GLDC: variants seen among roughly 807,000 people sequenced by gnomAD.
GLDC encodes the protein glycine decarboxylase, also known as glycine dehydrogenase (decarboxylating), mitochondrial.
A neutral mutation model predicts 121.3 loss-of-function variants in GLDC; 104 were observed. The observed-to-expected ratio is 0.86, with a 90% confidence interval of 0.73 to 1.01. The LOEUF (loss-of-function observed/expected upper bound fraction) is 1.01. Among genes scored for constraint, GLDC ranks in the 50% least tolerant of loss-of-function variants. The pLI is 0.00. For missense variants in GLDC, 1,429 were observed against 1,306.6 expected (o/e 1.09, Z -1.44); for synonymous variants, 546 against 480.6 (o/e 1.14, Z -1.78).
At chr9:6,611,695 T>G (rs1163365854) in intron 3 of GLDC, among the ~76,000 whole-genome samples, 6 of 152,214 alleles carry the variant, frequency 3.9e-5, no homozygotes, top group Non-Finnish European at 7.3e-5. Context: ...ACTGCTTGTT[T>G]TTTCTGTTGT....
At chr9:6,591,691 T>A (rs889830983) in intron 11 of GLDC, among the ~76,000 whole-genome samples, 5 of 152,082 alleles carry the variant, frequency 3.3e-5, no homozygotes, top group African/African-American at 1.2e-4. Context: ...TTGAAGCAAT[T>A]CTCCCACCTC....
chr9:6,632,842 C>G (rs117487102), intron 2 of GLDC, among the ~76,000 whole-genome samples: 1,633 of 152,284 alleles, frequency 0.011, 18 homozygotes, highest in Admixed American at 0.017. Context: ...TTTCTCTGTT[C>G]CTGCTTCCAA....
At position 6,568,190 on chromosome 9, in the gene GLDC, TTCTC is replaced by T. The variant is rs145587460; in HGVS notation, c.1851-2765_1851-2762del. Among the ~76,000 whole-genome samples, 11 of 149,430 alleles carry T rather than the reference TTCTC, an allele frequency of 7.4e-5. No individual in the cohort carries two copies. In the East Asian group the frequency reaches 1.2e-3, roughly 16 times the overall value. On this transcript the variant is annotated intron_variant, in intron 15 of 24. Coordinates refer to ENST00000321612, the MANE Select transcript of GLDC (RefSeq NM_000170.3). ...AAAGACTTGATCAGAAATGCTGGAT[TTCTC>T]TCTCTCTCTCTCTCTCTGGCCTTAA... is the stretch of plus-strand genomic sequence containing the variant.
intron 15 of GLDC, among the ~76,000 whole-genome samples, chr9:6,579,340 A>C (rs2129805484): frequency 6.6e-6 from 1 of 151,984 alleles, no homozygotes; most frequent in African/African-American, 2.4e-5. Flanking sequence ...ATATTAATTA[A>C]CTCTTCCATG....
intron 21 of GLDC, 174 bp from the exon 22 acceptor site, chr9:6,540,320 C>T (rs1817228486): frequency 3.2e-6 from 2 of 627,476 alleles, no homozygotes; most frequent in Admixed American, 5.1e-5. Context: ...TTCATTTAGT[C>T]TTATTACAAA....
intron 23 of GLDC, among the ~76,000 whole-genome samples, chr9:6,535,250 G>A (rs1371987227): frequency 6.6e-6 from 1 of 151,776 alleles, no homozygotes. Context: ...TCACTATTAT[G>A]CTCTTTGAAA....
At chr9:6,568,207 T>G (rs1817888471) in intron 15 of GLDC, among the ~76,000 whole-genome samples, 1 of 152,154 alleles carries the variant, frequency 6.6e-6, no homozygotes, top group African/African-American at 2.4e-5. Context: ...TCTCTCTCTC[T>G]CTCTGGCCTT....
intron 2 of GLDC, among the ~76,000 whole-genome samples, chr9:6,640,205 A>C (rs1021520459): frequency 6.6e-6 from 1 of 152,330 alleles, no homozygotes; most frequent in Middle Eastern, 3.4e-3. Context: ...TCATTTAGCT[A>C]ATCTTTACTG....
chr9:6,597,211 T>C (rs949517957), intron 8 of GLDC, among the ~76,000 whole-genome samples: 3 of 152,140 alleles, frequency 2.0e-5, no homozygotes, highest in Non-Finnish European at 4.4e-5. Flanking sequence ...CCAGGGGCTA[T>C]AGGAAGGGGA....
chr9:6,600,168 A>T (rs1227849574), intron 8 of GLDC, among the ~76,000 whole-genome samples: 1 of 152,196 alleles, frequency 6.6e-6, no homozygotes, highest in Admixed American at 6.5e-5. Context: ...ATTTGAGACC[A>T]ACCTGAGCAA....
chr9:6,645,545 G>A lies in GLDC; in HGVS notation c.-46C>T, dbSNP rs1819730941. ...GCCCCGGCCCGCAAGGGTCAGCCGC[G>A]CTCTTGGCCCCTCTCCTGGCCTCGG... On this transcript the variant is annotated 5_prime_UTR_variant, in exon 1 of 25. Transcript: ENST00000321612. The A allele has an allele frequency of 1.6e-6, 2 of 1,275,864 alleles. No individual in the cohort carries two copies. Among genetic ancestry groups the A allele is most frequent in the Non-Finnish European group, 1.0e-6 (1 of 1,001,196 alleles). The allele number at this position is 1,275,864 out of a possible 1,614,324, so 79.0% of individuals were successfully genotyped here.
intron 3 of GLDC, among the ~76,000 whole-genome samples, chr9:6,618,003 C>G (rs1194845724): frequency 6.6e-6 from 1 of 152,120 alleles, no homozygotes; most frequent in African/African-American, 2.4e-5. Flanking sequence ...GCAGAGGCAA[C>G]CACTTACTCT....
Position 6,539,580 on chromosome 9 carries a change from C to T in GLDC, c.2665+471G>A, listed in dbSNP as rs149685145. Among the ~76,000 whole-genome samples, 89 of 152,302 alleles carry T rather than the reference C, an allele frequency of 5.8e-4. 2 individuals carry two copies. In the East Asian group the frequency reaches 0.016, roughly 27 times the overall value. On this transcript the variant is annotated intron_variant, in intron 22 of 24. Transcript: ENST00000321612. The stretch of plus-strand genomic sequence containing the variant: ...TGAGCTGAATGAACACCCACTAATG[C>T]ACAGGTAAAGTGTCCGTGTCTTTCA...
chr9:6,573,154 AATCC>A (rs1817997527), intron 15 of GLDC, among the ~76,000 whole-genome samples: 1 of 152,194 alleles, frequency 6.6e-6, no homozygotes, highest in African/African-American at 2.4e-5. Flanking sequence ...TCACGCCTGT[AATCC>A]CAGCTACTAG....
rs1366947118 is a variant in GLDC at position 6,588,429 on chromosome 9, A to G, written c.1679T>C (p.Met560Thr). 1.2e-6 allele frequency: 2 copies of G among 1,612,010 alleles called. No homozygotes were observed. Among genetic ancestry groups the G allele is most frequent in the Non-Finnish European group, 1.7e-6 (2 of 1,178,158 alleles). The change falls in exon 14 of 25, where the codon ATG (methionine) becomes ACG (threonine). Residue 560 changes from methionine (M) to threonine (T), a missense_variant. By Grantham distance (81) the Met-to-Thr change is moderately conservative (BLOSUM62 -1). Coordinates refer to ENST00000321612, the MANE Select transcript of GLDC (RefSeq NM_000170.3). ...GAGTTCAGACGAACTGTTCAGTTTC[A>G]TGGTGCAGGATCCCTTTAAGAAGAA... ...HSMIPLGSCT[M>T]KLNSSSELAP... is the part of the protein sequence containing the mutation.
chr9:6,554,488 T>C (rs2129718827), intron 19 of GLDC, among the ~76,000 whole-genome samples, 181 bp downstream of exon 19: 1 of 152,278 alleles, frequency 6.6e-6, no homozygotes, highest in African/African-American at 2.4e-5. Flanking sequence ...TAATTACGCT[T>C]TTCTTTGGAA....
chr9:6,555,672 G>A (rs557884502), intron 18 of GLDC, among the ~76,000 whole-genome samples: 2 of 152,134 alleles, frequency 1.3e-5, no homozygotes, highest in Admixed American at 6.5e-5. Context: ...TGCACCTGTA[G>A]TCCCAGCTAC....
intron 15 of GLDC, among the ~76,000 whole-genome samples, chr9:6,567,886 A>G (rs1386106892): frequency 6.6e-6 from 1 of 152,236 alleles, no homozygotes; most frequent in Non-Finnish European, 1.5e-5. Context: ...TCAACAGGGA[A>G]TATATAGAAC....
chr9:6,566,560 C>T (rs1817858812), intron 15 of GLDC: 2 of 152,214 alleles, frequency 1.3e-5, no homozygotes, highest in African/African-American at 2.4e-5. Context: ...TGGCCATCCT[C>T]ATCTCAACGG....
Sources: gnomAD v4.1 joint callset for allele counts (sites outside exome capture counted in the v4.1 genomes callset) on GRCh38, gnomAD v4.1.1 for gene constraint, MANE v1.5 for transcripts, NCBI Gene and HGNC (gene_info 2026-07-23, HGNC 2026-07-21) for gene names.